Variants in TSGA10 observed in about 807,000 individuals in gnomAD.
The protein encoded by TSGA10 is testis specific 10.
Under a neutral mutation model 96.6 loss-of-function variants are expected in TSGA10, and 43 were observed. The observed-to-expected ratio is 0.44, with a 90% confidence interval of 0.35 to 0.57. The LOEUF is 0.57. TSGA10 is among the 20% of genes least tolerant of loss of function. The pLI, the probability that TSGA10 is intolerant of heterozygous loss-of-function variation, is 0.01. For missense variants in TSGA10, 703 were observed against 834.4 expected (o/e 0.84, Z 1.94); for synonymous variants, 229 against 269.9 (o/e 0.85, Z 1.48).
intron 16 of TSGA10, among the ~76,000 whole-genome samples, chr2:99,052,669 C>T (rs866833284): frequency 3.3e-5 from 5 of 151,716 alleles, no homozygotes; most frequent in East Asian, 3.9e-4. Context: ...ACCCAGGAGG[C>T]GGAGCTTGCA....
intron 20 of TSGA10, among the ~76,000 whole-genome samples, chr2:99,010,450 G>A (rs1030465022): frequency 2.0e-5 from 3 of 152,190 alleles, no homozygotes; most frequent in Non-Finnish European, 4.4e-5. Context: ...ACCTACCTCC[G>A]AACACGTCCC....
At chr2:99,115,551 T>A (rs1463996014) in intron 4 of TSGA10, among the ~76,000 whole-genome samples, 2 of 152,066 alleles carry the variant, frequency 1.3e-5, no homozygotes, top group Non-Finnish European at 2.9e-5. Flanking sequence ...TAAAGAAGAC[T>A]GTATCCTTAA....
chr2:99,052,742 TA>T (rs1032896133), intron 16 of TSGA10, among the ~76,000 whole-genome samples: 44 of 139,718 alleles, frequency 3.1e-4, no homozygotes, highest in East Asian at 6.3e-4. Context: ...CATCTCAATT[TA>T]AAAAAAAAAA....
intron 17 of TSGA10, among the ~76,000 whole-genome samples, chr2:99,022,616 T>C (rs1021215229): frequency 3.9e-5 from 6 of 152,196 alleles, no homozygotes; most frequent in Non-Finnish European, 4.4e-5. Context: ...TGACTTATTA[T>C]ACTTTGGGAC....
At chr2:99,008,690 T>C (rs1441818233) in intron 20 of TSGA10, among the ~76,000 whole-genome samples, 1 of 152,250 alleles carries the variant, frequency 6.6e-6, no homozygotes, top group Non-Finnish European at 1.5e-5. Flanking sequence ...ATTCTGAAGA[T>C]ACTGCAACAT....
intron 20 of TSGA10, among the ~76,000 whole-genome samples, chr2:99,008,617 ACTGT>A (rs1182728910): frequency 6.6e-6 from 1 of 152,252 alleles, no homozygotes; most frequent in African/African-American, 2.4e-5. Flanking sequence ...GGAATGTGGC[ACTGT>A]CTAACAAAAC....
At chr2:99,017,923 G>A (rs1443004542) in intron 20 of TSGA10, among the ~76,000 whole-genome samples, 4 of 151,570 alleles carry the variant, frequency 2.6e-5, no homozygotes, top group Admixed American at 6.6e-5. Context: ...GGAACTTATC[G>A]GTGTAACAAA....
At chr2:99,064,794 A>G (rs1207636827) in intron 16 of TSGA10, 145 bp downstream of exon 16, 4 of 582,120 alleles carry the variant, frequency 6.9e-6, no homozygotes, top group African/African-American at 3.8e-5. Flanking sequence ...GAATCAAAGT[A>G]TAAGGAGAAT....
At chr2:99,013,191 T>C (rs796829580) in intron 20 of TSGA10, among the ~76,000 whole-genome samples, 7 of 152,284 alleles carry the variant, frequency 4.6e-5, no homozygotes, top group African/African-American at 1.7e-4. Context: ...GTACTACTTT[T>C]GGTGTATCCC....
At chr2:99,153,045 C>A (rs2093708608) in intron 1 of TSGA10, among the ~76,000 whole-genome samples, 1 of 152,118 alleles carries the variant, frequency 6.6e-6, no homozygotes, top group African/African-American at 2.4e-5. Flanking sequence ...CTGACTAGAT[C>A]AGGGTAGCTG....
intron 15 of TSGA10, among the ~76,000 whole-genome samples, chr2:99,066,439 GTACT>G (rs1205189870): frequency 6.6e-6 from 1 of 152,150 alleles, no homozygotes; most frequent in Non-Finnish European, 1.5e-5. Flanking sequence ...ACTTTGTGCA[GTACT>G]TACTGTCTAT....
At chr2:99,068,082 C>T (rs1324806557) in intron 15 of TSGA10, among the ~76,000 whole-genome samples, 1 of 152,142 alleles carries the variant, frequency 6.6e-6, no homozygotes. Flanking sequence ...TAGGAAACCA[C>T]GTGCTTTTCC....
At chr2:99,118,260 C>T (rs1049292573) in intron 3 of TSGA10, among the ~76,000 whole-genome samples, 2 of 151,288 alleles carry the variant, frequency 1.3e-5, no homozygotes, top group Admixed American at 6.6e-5. Flanking sequence ...AGACCAGCCT[C>T]GCCAACATGG....
intron 9 of TSGA10, among the ~76,000 whole-genome samples, 174 bp downstream of exon 9, chr2:99,105,185 A>C (rs951258076): frequency 1.3e-5 from 2 of 152,184 alleles, no homozygotes; most frequent in Non-Finnish European, 2.9e-5. Flanking sequence ...TTTTAGAAGG[A>C]AATAAACAAA....
At chr2:99,018,430 T>C in intron 19 of TSGA10, 81 bp from the exon 20 acceptor site, 1 of 1,574,986 alleles carries the variant, frequency 6.3e-7, no homozygotes. Flanking sequence ...AATTCATACT[T>C]GAAAATCTAA....
intron 1 of TSGA10, among the ~76,000 whole-genome samples, chr2:99,136,853 G>T (rs2093349447): frequency 1.5e-5 from 2 of 132,324 alleles, no homozygotes; most frequent in Non-Finnish European, 3.3e-5. Flanking sequence ...AAGTATTTCT[G>T]ACTTCTACTT....
At chr2:99,061,579 T>C (rs1201452396) in intron 16 of TSGA10, among the ~76,000 whole-genome samples, 2 of 152,320 alleles carry the variant, frequency 1.3e-5, no homozygotes, top group Non-Finnish European at 1.5e-5. Flanking sequence ...TTTATTCAAT[T>C]TGTCAGGTTT....
At chr2:99,113,689 G>A (rs1055726766) in intron 4 of TSGA10, among the ~76,000 whole-genome samples, 5 of 152,146 alleles carry the variant, frequency 3.3e-5, no homozygotes, top group African/African-American at 1.2e-4. Context: ...GGGATTACAG[G>A]TGCCCACCAC....
intron 1 of TSGA10, among the ~76,000 whole-genome samples, chr2:99,136,206 T>C (rs1039537160): frequency 6.6e-6 from 1 of 152,216 alleles, no homozygotes; most frequent in African/African-American, 2.4e-5. Context: ...CACTAAAAAT[T>C]ATCTCAGTTA....
Sources: allele counts gnomAD v4.1 joint callset (sites outside exome capture counted in the v4.1 genomes callset), GRCh38; gene constraint gnomAD v4.1.1; transcripts MANE v1.5; gene names NCBI Gene and HGNC (gene_info 2026-07-23, HGNC 2026-07-21).